The following ANXA2 variants were observed in gnomAD, a reference collection of about 807,000 sequenced individuals.
The protein encoded by ANXA2 is annexin II.
ANXA2 carries 28 observed loss-of-function variants against 47.3 expected under a neutral mutation model. The observed-to-expected ratio is 0.59, with a 90% confidence interval of 0.44 to 0.81. ANXA2 has a LOEUF of 0.81. Among genes scored for constraint, ANXA2 ranks in the 40% least tolerant of loss-of-function variants. The pLI, the probability that ANXA2 is intolerant of heterozygous loss-of-function variation, is 0.00. For synonymous variants in ANXA2, 172 were observed against 155.5 expected (o/e 1.11, Z -0.79); for missense variants, 384 against 414.3 (o/e 0.93, Z 0.64).
chr15:60,357,121 G>T, intron 6 of ANXA2, 25 bp downstream of exon 6: 2 of 1,606,026 alleles, frequency 1.2e-6, no homozygotes, highest in South Asian at 1.1e-5. Context: ...CTGAGAGGAT[G>T]AATCACAGAA....
chr15:60,380,189 A>C (rs2062836324), intron 3 of ANXA2, among the ~76,000 whole-genome samples: 1 of 152,214 alleles, frequency 6.6e-6, no homozygotes, highest in Admixed American at 6.5e-5. Flanking sequence ...ACATATTTTG[A>C]GTACCATCTA....
intron 3 of ANXA2, among the ~76,000 whole-genome samples, chr15:60,368,742 CATA>C (rs1450679028): frequency 6.6e-6 from 1 of 151,998 alleles, no homozygotes; most frequent in Non-Finnish European, 1.5e-5. Context: ...CAAAGTTCAC[CATA>C]ATGACCATAA....
intron 1 of ANXA2, chr15:60,393,496 T>C (rs960376313): frequency 6.1e-6 from 6 of 990,808 alleles, no homozygotes; most frequent in Admixed American, 1.2e-4. Flanking sequence ...TGGACTTACC[T>C]ACCTTTCCTT....
At chr15:60,356,055 C>T in intron 6 of ANXA2, 57 bp from the exon 7 acceptor site, 1 of 1,294,964 alleles carries the variant, frequency 7.7e-7, no homozygotes, top group Non-Finnish European at 1.1e-6. Flanking sequence ...AACCATCCAC[C>T]CCAATCTCCC....
intron 2 of ANXA2, chr15:60,384,176 T>A (rs925908482): frequency 2.0e-5 from 3 of 152,260 alleles, no homozygotes; most frequent in Non-Finnish European, 4.4e-5. Context: ...CTATGGTAGC[T>A]ATAAAATGTG....
intron 3 of ANXA2, among the ~76,000 whole-genome samples, chr15:60,374,079 C>T (rs570070134): frequency 2.5e-4 from 38 of 152,180 alleles, no homozygotes; most frequent in Non-Finnish European, 5.3e-4. Flanking sequence ...TGTAGTTTAG[C>T]TAAGTGCCTA....
In ANXA2 at chr15:60,357,214, G is replaced by T; in HGVS notation, c.380C>A (p.Ser127Tyr). 6.2e-7 allele frequency: 1 copy of T among 1,614,168 alleles called. No individual in the cohort carries two copies. Among genetic ancestry groups the T allele is most frequent in the Non-Finnish European group, 8.5e-7 (1 of 1,180,024 alleles). The change falls in exon 6 of 13, where the codon TCT (serine) becomes TAT (tyrosine). Residue 127 changes from serine to tyrosine, a missense_variant. Physicochemically the swap from Ser to Tyr is moderately radical, Grantham distance 144. Coordinates refer to ENST00000451270, the MANE Select transcript of ANXA2 (RefSeq NM_004039.3). ...SMKGLGTDEDSLIEIICSRTN... is the reference protein window; with the variant it reads ...SMKGLGTDEDYLIEIICSRTN... Reference sequence around the variant, plus strand: ...TCTGGAGCAGATGATCTCAATGAGAGAGTCCTCGTCGGTTCCCAGCCCCTG... The same window carrying T: ...TCTGGAGCAGATGATCTCAATGAGATAGTCCTCGTCGGTTCCCAGCCCCTG...
chr15:60,380,378 G>C lies in ANXA2; in HGVS notation c.148+1964C>G, dbSNP rs530137312. Among the ~76,000 whole-genome samples, 40 of 151,646 alleles carry C rather than the reference G, an allele frequency of 2.6e-4. No individual in the cohort carries two copies. In the South Asian group the frequency reaches 7.9e-3, roughly 30 times the overall value. ...AGCATTTGAACCTGGGCTCACATAC[G>C]CTCTCATCCACTATGCTCCACTGAC... On this transcript the variant is annotated intron_variant, in intron 3 of 12. Coordinates refer to ENST00000451270, the MANE Select transcript of ANXA2 (RefSeq NM_004039.3).
chr15:60,356,081 C>G (rs2062425844), intron 6 of ANXA2, 83 bp from the exon 7 acceptor site: 1 of 1,043,404 alleles, frequency 9.6e-7, no homozygotes, highest in Non-Finnish European at 1.5e-6. Flanking sequence ...CCCACTAAGA[C>G]TCTGAGAAGC....
At chr15:60,380,534 C>T (rs915169590) in intron 3 of ANXA2, among the ~76,000 whole-genome samples, 5 of 150,156 alleles carry the variant, frequency 3.3e-5, no homozygotes, top group South Asian at 4.2e-4. Context: ...CTGGGTGCGA[C>T]GGCTCATACC....
At chr15:60,381,444 C>A (rs2062857049) in intron 3 of ANXA2, among the ~76,000 whole-genome samples, 1 of 152,166 alleles carries the variant, frequency 6.6e-6, no homozygotes, top group South Asian at 2.1e-4. Flanking sequence ...GGGGATGGGA[C>A]AACCCCAAGG....
At chr15:60,394,387 G>C (rs992927107) in intron 1 of ANXA2, among the ~76,000 whole-genome samples, 1 of 152,136 alleles carries the variant, frequency 6.6e-6, no homozygotes, top group African/African-American at 2.4e-5. Context: ...CTGTCCAGTT[G>C]AGCTCAGCTG....
intron 3 of ANXA2, among the ~76,000 whole-genome samples, chr15:60,375,680 C>A (rs554285820): frequency 6.6e-6 from 1 of 152,300 alleles, no homozygotes; most frequent in East Asian, 1.9e-4. Flanking sequence ...TACCTCAGGA[C>A]GGAGCATACA....
intron 1 of ANXA2, among the ~76,000 whole-genome samples, chr15:60,394,981 G>C (rs1250032288): frequency 1.3e-5 from 2 of 149,890 alleles, no homozygotes; most frequent in African/African-American, 2.5e-5. Context: ...CAAGTGAAGA[G>C]GATTCTCATG....
At position 60,386,043 on chromosome 15, in the gene ANXA2, G is replaced by A. The variant is rs1430984479; in HGVS notation, c.33C>T (p.Leu11=). Residue 11 remains leucine, a synonymous_variant, in exon 2 of 13, where the codon CTC becomes CTT. Transcript: ENST00000451270. ...ATATACTTACATCACCCTCCAAGCT[G>A]AGCTTGCACAGGATTTCGTGAACAG... is the stretch of plus-strand genomic sequence containing the variant. MSTVHEILCK[L]SLEGDHSTPP... is the part of the protein sequence containing the mutation. 4 of 1,612,676 alleles carry A rather than the reference G, an allele frequency of 2.5e-6. No individual in the cohort carries two copies. The highest frequency in any genetic ancestry group is 3.4e-6 in the Non-Finnish European group (4 of 1,179,370).
chr15:60,388,612 T>C (rs1379720081), intron 1 of ANXA2, among the ~76,000 whole-genome samples: 4 of 151,224 alleles, frequency 2.6e-5, no homozygotes, highest in Non-Finnish European at 1.5e-5. Flanking sequence ...TTTTTAATGT[T>C]TCAGTAGAGA....
At chr15:60,354,629 A>AC in intron 7 of ANXA2, among the ~76,000 whole-genome samples, 1 of 151,168 alleles carries the variant, frequency 6.6e-6, no homozygotes, top group Admixed American at 6.6e-5. Context: ...CAAAAAAAAA[A>AC]AAAAAAAAGA....
intron 5 of ANXA2, among the ~76,000 whole-genome samples, chr15:60,358,835 T>C (rs934331253): frequency 1.3e-5 from 2 of 152,266 alleles, no homozygotes; most frequent in African/African-American, 4.8e-5. Flanking sequence ...TGTTATATCC[T>C]GACATTGTAG....
In ANXA2 at chr15:60,351,844, T is replaced by C. The variant is rs755187006; in HGVS notation, c.683-25A>G. The C allele has an allele frequency of 4.6e-6, 7 of 1,509,064 alleles. No homozygotes were observed. The South Asian group carries it at 6.8e-5, about 15-fold the overall frequency. 93.5% of individuals were successfully genotyped at this position (1,509,064 alleles called of 1,614,324 possible). Reference sequence around the variant, plus strand: ...ACTGAGGAAAAACAACAAAGAGTTATCAGATCCGAGCCACTAGTCAAAGCT... The same window carrying C: ...ACTGAGGAAAAACAACAAAGAGTTACCAGATCCGAGCCACTAGTCAAAGCT... On this transcript the variant is annotated intron_variant, in intron 9 of 12. Transcript: ENST00000451270.
Sources: gnomAD v4.1 joint callset for allele counts (sites outside exome capture counted in the v4.1 genomes callset) on GRCh38, gnomAD v4.1.1 for gene constraint, MANE v1.5 for transcripts, NCBI Gene and HGNC (gene_info 2026-07-23, HGNC 2026-07-21) for gene names.